PCYOX1: variants seen among roughly 807,000 people sequenced by gnomAD.
PCYOX1 encodes prenylcysteine lyase.
Under a neutral mutation model 46.4 loss-of-function variants are expected in PCYOX1, and 46 were observed. The observed-to-expected ratio is 0.99, with a 90% CI of 0.78 to 1.27. The LOEUF is 1.27. Among genes scored for constraint, PCYOX1 ranks in the 50% most tolerant of loss-of-function variants. The pLI is 0.00. For synonymous variants in PCYOX1, 220 were observed against 231.8 expected, an observed-to-expected ratio of 0.95 and a Z score of 0.46; for missense variants, 658 against 628.3, an observed-to-expected ratio of 1.05 and a Z score of -0.51.
chr2:70,263,422 C>T (rs1306319106), intron 3 of PCYOX1, among the ~76,000 whole-genome samples: 1 of 152,074 alleles, frequency 6.6e-6, no homozygotes, highest in Non-Finnish European at 1.5e-5. Context: ...ATATTGAATA[C>T]CTGTTAGGTG....
At chr2:70,263,493 A>G (rs1227014564) in intron 3 of PCYOX1, among the ~76,000 whole-genome samples, 5 of 152,122 alleles carry the variant, frequency 3.3e-5, no homozygotes, top group African/African-American at 4.8e-5. Context: ...CTCAAAGAAT[A>G]TATATTCTAG....
At chr2:70,275,392 CAGGGGCCATTT>C in intron 4 of PCYOX1, 111 bp from the exon 5 acceptor site, 1 of 1,081,334 alleles carries the variant, frequency 9.2e-7, no homozygotes, top group Non-Finnish European at 1.4e-6. Context: ...ATTTTGCTCC[CAGGGGCCATTT>C]AGCAATGTCT....
Position 70,277,133 on chromosome 2 carries a change from A to G in PCYOX1, c.1259A>G (p.Lys420Arg). 6.2e-7 allele frequency: 1 copy of G among 1,614,200 alleles called. No homozygotes were observed. Among genetic ancestry groups the G allele is most frequent in the African/African-American group, 1.3e-5 (1 of 75,038 alleles). The stretch of plus-strand genomic sequence containing the variant: ...ACTCTTACTAAAGCACAAATTTTAA[A>G]GCTCTTTCTGTCCTATGATTATGCT... ...QETLTKAQIL[K>R]LFLSYDYAVK... Residue 420 changes from lysine to arginine, a missense_variant, in exon 6 of 6, where the codon AAG becomes AGG. Transcript: ENST00000433351.
chr2:70,274,988 C>G lies in PCYOX1; in HGVS notation c.524C>G (p.Ala175Gly), dbSNP rs1696649790. The change falls in exon 4 of 6, where the codon GCC becomes GGC. Residue 175 changes from alanine (A) to glycine (G), a missense_variant. Ala to Gly is a moderately conservative substitution (Grantham distance 60). Coordinates refer to ENST00000433351, the MANE Select transcript of PCYOX1 (RefSeq NM_016297.4). ...RIYRYQSHDY[A>G]FSSVEKLLHA... ...TACCGCTACCAGTCTCATGACTATG[C>G]CTTCAGTAGTGTCGAAAAATTACTT... 15 of 1,610,388 alleles carry G rather than the reference C, an allele frequency of 9.3e-6. No homozygotes were observed. The highest frequency in any genetic ancestry group is 1.2e-5 in the Non-Finnish European group (14 of 1,176,524).
At chr2:70,262,749 G>A (rs1243153867) in intron 3 of PCYOX1, among the ~76,000 whole-genome samples, 5 of 152,212 alleles carry the variant, frequency 3.3e-5, no homozygotes, top group African/African-American at 1.2e-4. Context: ...AAAGTGTTGG[G>A]ATTGCAGGCA....
chr2:70,266,472 T>G (rs1043245216), intron 3 of PCYOX1, among the ~76,000 whole-genome samples: 6 of 152,090 alleles, frequency 3.9e-5, no homozygotes, highest in Admixed American at 1.3e-4. Context: ...TTTTTTTTTT[T>G]TTGTTAGTAT....
intron 3 of PCYOX1, among the ~76,000 whole-genome samples, chr2:70,262,121 C>A (rs1447728191): frequency 6.6e-6 from 1 of 152,028 alleles, no homozygotes; most frequent in Non-Finnish European, 1.5e-5. Flanking sequence ...TTGAAAGGTA[C>A]AATCTGTATT....
At chr2:70,274,283 C>T (rs765995952) in intron 3 of PCYOX1, among the ~76,000 whole-genome samples, 2 of 149,698 alleles carry the variant, frequency 1.3e-5, no homozygotes, top group East Asian at 2.0e-4. Context: ...CTGCAACCTC[C>T]GCTTTCTGGG....
At chr2:70,261,137 A>C in intron 2 of PCYOX1, 75 bp from the exon 3 acceptor site, 1 of 938,744 alleles carries the variant, frequency 1.1e-6, no homozygotes. Flanking sequence ...GGAAGCCCCA[A>C]ATTCACTCAG....
In PCYOX1 at chr2:70,276,955, C is replaced by G. The variant is rs762364389; in HGVS notation, c.1081C>G (p.Pro361Ala). 2 of 1,611,124 alleles carry G rather than the reference C, an allele frequency of 1.2e-6. No individual in the cohort carries two copies. The highest frequency in any genetic ancestry group is 4.5e-5 in the East Asian group (2 of 44,866). The change falls in exon 6 of 6, where the codon CCC becomes GCC. Residue 361 changes from proline to alanine, a missense_variant. Transcript: ENST00000433351. Reference protein sequence around the residue: ...ELNTSIFSSRPIDKFGLNTVL... With the variant: ...ELNTSIFSSRAIDKFGLNTVL... ...GAATACATCTATCTTTAGCTCTAGA[C>G]CCATAGATAAATTTGGCCTTAATAC...
intron 3 of PCYOX1, 55 bp from the exon 4 acceptor site, chr2:70,274,904 A>G (rs1696648103): frequency 5.5e-6 from 6 of 1,086,902 alleles, no homozygotes; most frequent in Middle Eastern, 2.0e-4. Flanking sequence ...TTCTTTATAC[A>G]TCCCCTTCCC....
At chr2:70,262,019 T>C (rs1033340121) in intron 3 of PCYOX1, among the ~76,000 whole-genome samples, 2 of 152,220 alleles carry the variant, frequency 1.3e-5, no homozygotes. Flanking sequence ...TTCGTCCTTA[T>C]GCTTTTCTAT....
rs1020538826 is a variant in PCYOX1, at chr2:70,278,601, C to T, written c.*1209C>T. On this transcript the variant is annotated 3_prime_UTR_variant, in exon 6 of 6. Transcript: ENST00000433351. ...AAAGTTAACCAAGTCCAGCATATGT[C>T]CAAAGAGTTAAGTGTTTCATTTACT... is the stretch of plus-strand genomic sequence containing the variant. The T allele has an allele frequency of 1.1e-4, 17 of 152,122 alleles. No homozygotes were observed. The highest frequency in any genetic ancestry group is 3.4e-4 in the African/African-American group (14 of 41,412). The allele number at this position is 152,122 out of a possible 1,614,324, so 9.4% of individuals were successfully genotyped here.
rs1573987150 is a variant in PCYOX1, at chr2:70,281,092, CTGGAA to C, written c.*3703_*3707del. On this transcript the variant is annotated 3_prime_UTR_variant, in exon 6 of 6. Coordinates refer to ENST00000433351, the MANE Select transcript of PCYOX1 (RefSeq NM_016297.4). ...CTCACTCACAAAGAACCATGATACA[CTGGAA>C]TGTTTTTCTCTGGAATCCTCTTTCT... 6.6e-6 allele frequency: 1 copy of C among 152,236 alleles called. No individual in the cohort carries two copies. Among genetic ancestry groups the C allele is most frequent in the Non-Finnish European group, 1.5e-5 (1 of 68,078 alleles). The allele number at this position is 152,236 out of a possible 1,614,324, so 9.4% of individuals were successfully genotyped here.
chr2:70,268,657 G>T (rs964330457), intron 3 of PCYOX1, among the ~76,000 whole-genome samples: 1 of 151,940 alleles, frequency 6.6e-6, no homozygotes, highest in Non-Finnish European at 1.5e-5. Context: ...AAATTAGCTG[G>T]GCGTGGTGGT....
chr2:70,259,156 A>G (rs1696392823), intron 1 of PCYOX1, among the ~76,000 whole-genome samples: 2 of 152,156 alleles, frequency 1.3e-5, no homozygotes, highest in African/African-American at 4.8e-5. Context: ...CAATATGTTA[A>G]TTAATCTACT....
Position 70,277,396 on chromosome 2 carries a change from G to A in PCYOX1, c.*4G>A, listed in dbSNP as rs1182759905. On this transcript the variant is annotated 3_prime_UTR_variant, in exon 6 of 6. Coordinates refer to ENST00000433351, the MANE Select transcript of PCYOX1 (RefSeq NM_016297.4). Reference sequence around the variant, plus strand: ...GAAACTTAAAACTGAACTATGAAGTGACACACTCCTTTTTCCCCTCCTAGT... The same window carrying A: ...GAAACTTAAAACTGAACTATGAAGTAACACACTCCTTTTTCCCCTCCTAGT... 6.3e-7 allele frequency: 1 copy of A among 1,576,934 alleles called. No homozygotes were observed. The highest frequency in any genetic ancestry group is 1.4e-5 in the African/African-American group (1 of 73,998).
In PCYOX1 at chr2:70,259,581, TC is replaced by T. The variant is rs1696407164; in HGVS notation, c.319+16del. The stretch of plus-strand genomic sequence containing the variant: ...CAAAGACCTGGGTATGTAATTTTGG[TC>T]TTGGAGCTCACCAGATTACTGTGTG... On this transcript the variant is annotated intron_variant, in intron 2 of 5. Transcript: ENST00000433351. 6.3e-7 allele frequency: 1 copy of T among 1,577,192 alleles called. No individual in the cohort carries two copies. Among genetic ancestry groups the T allele is most frequent in the Non-Finnish European group, 8.7e-7 (1 of 1,146,854 alleles).
chr2:70,265,471 G>A (rs1389785155), intron 3 of PCYOX1, among the ~76,000 whole-genome samples: 3 of 152,110 alleles, frequency 2.0e-5, no homozygotes, highest in Non-Finnish European at 4.4e-5. Flanking sequence ...GATTACAGGC[G>A]TGAGCCACCG....
Sources: gnomAD v4.1 joint callset for allele counts (sites outside exome capture counted in the v4.1 genomes callset) on GRCh38, gnomAD v4.1.1 for gene constraint, MANE v1.5 for transcripts, NCBI Gene and HGNC (gene_info 2026-07-23, HGNC 2026-07-21) for gene names.